Variants in RUNX1 observed in about 807,000 individuals in gnomAD.
RUNX1 encodes the protein RUNX family transcription factor 1.
A neutral mutation model predicts 42.8 loss-of-function variants in RUNX1; 19 were observed. The ratio of observed to expected loss-of-function variants is 0.44; its 90% CI spans 0.31 to 0.65. RUNX1 has a LOEUF of 0.65. Among genes scored for constraint, RUNX1 ranks in the 30% least tolerant of loss-of-function variants. The pLI is 0.07. For synonymous variants in RUNX1, 271 were observed against 289.4 expected (o/e 0.94, Z 0.64); for missense variants, 528 against 672.0 (o/e 0.79, Z 2.37).
intron 2 of RUNX1, among the ~76,000 whole-genome samples, chr21:34,996,633 A>ACTCTTCT (rs76582001): frequency 8.7e-4 from 132 of 151,016 alleles, no homozygotes; most frequent in African/African-American, 3.0e-3. Context: ...GGAATGCTGA[A>ACTCTTCT]CTCTCTCTCT....
intron 2 of RUNX1, among the ~76,000 whole-genome samples, chr21:34,973,573 C>T (rs1453105860): frequency 6.6e-6 from 1 of 152,176 alleles, no homozygotes; most frequent in African/African-American, 2.4e-5. Flanking sequence ...TGATCCAATC[C>T]ATTCTTCATG....
At chr21:34,796,959 G>A (rs1451023029) in intron 8 of RUNX1, among the ~76,000 whole-genome samples, 1 of 152,240 alleles carries the variant, frequency 6.6e-6, no homozygotes, top group African/African-American at 2.4e-5. Context: ...GAGGGGCAGA[G>A]CACAAAGCTG....
chr21:34,811,297 T>G (rs2056755316), intron 7 of RUNX1, among the ~76,000 whole-genome samples: 2 of 152,206 alleles, frequency 1.3e-5, no homozygotes, highest in South Asian at 4.1e-4. Flanking sequence ...AAGGGCTGCT[T>G]CTGTGCTCTC....
intron 2 of RUNX1, among the ~76,000 whole-genome samples, chr21:34,972,798 T>C (rs1440145037): frequency 1.3e-5 from 2 of 152,196 alleles, no homozygotes; most frequent in Non-Finnish European, 2.9e-5. Context: ...AGGCATCTTC[T>C]TTTATAATAA....
intron 2 of RUNX1, among the ~76,000 whole-genome samples, chr21:34,925,770 A>G (rs979530965): frequency 8.5e-5 from 13 of 152,248 alleles, no homozygotes; most frequent in Non-Finnish European, 8.8e-5. Context: ...TAGAAAAATG[A>G]TGAAATATTT....
chr21:35,012,619 T>C (rs757810146), intron 2 of RUNX1, among the ~76,000 whole-genome samples: 11 of 152,194 alleles, frequency 7.2e-5, no homozygotes, highest in African/African-American at 1.4e-4. Flanking sequence ...TTGACATCTA[T>C]ATGGACATAT....
chr21:34,912,348 C>T (rs2058278909), intron 2 of RUNX1, among the ~76,000 whole-genome samples: 1 of 151,678 alleles, frequency 6.6e-6, no homozygotes, highest in Non-Finnish European at 1.5e-5. Context: ...ATCTCCATCA[C>T]CCGTCCTCTC....
chr21:34,889,089 G>C (rs2058042589), intron 3 of RUNX1, among the ~76,000 whole-genome samples: 1 of 151,358 alleles, frequency 6.6e-6, no homozygotes, highest in Admixed American at 6.6e-5. Context: ...CGCCGCACCC[G>C]GAGAGGCCCG....
At chr21:34,905,487 T>C (rs780878856) in intron 2 of RUNX1, among the ~76,000 whole-genome samples, 4 of 152,240 alleles carry the variant, frequency 2.6e-5, no homozygotes, top group Admixed American at 6.5e-5. Context: ...TTTCTGATCA[T>C]GGTAAACACA....
rs148793081 is a variant in RUNX1, at chr21:34,979,470, C to T, written c.58+69372G>A. ...TATCAGGTGCTCTACAAGAGAACTACATAGGCACATATGTGGTTTGGAGGG... is the reference window on the plus strand; with the variant it reads ...TATCAGGTGCTCTACAAGAGAACTATATAGGCACATATGTGGTTTGGAGGG... On this transcript the variant is annotated intron_variant, in intron 2 of 8. Coordinates refer to ENST00000675419, the MANE Select transcript of RUNX1 (RefSeq NM_001754.5). Among the ~76,000 whole-genome samples the T allele has an allele frequency of 6.6e-4, 101 of 152,258 alleles. 1 individual carries two copies. The highest frequency in any genetic ancestry group is 2.3e-3 in the African/African-American group (94 of 41,538).
chr21:34,962,603 C>T (rs2058689364), intron 2 of RUNX1, among the ~76,000 whole-genome samples: 1 of 152,214 alleles, frequency 6.6e-6, no homozygotes, highest in Non-Finnish European at 1.5e-5. Context: ...CCACGCCACC[C>T]TGGCATTTTG....
At chr21:34,862,126 G>GAT (rs202072478) in intron 5 of RUNX1, among the ~76,000 whole-genome samples, 1 of 152,210 alleles carries the variant, frequency 6.6e-6, no homozygotes, top group African/African-American at 2.4e-5. Flanking sequence ...GAGAGAGAGA[G>GAT]AGAGAGAGAC....
At chr21:34,889,435 C>T (rs1048563510) in intron 3 of RUNX1, among the ~76,000 whole-genome samples, 1 of 152,144 alleles carries the variant, frequency 6.6e-6, no homozygotes, top group Non-Finnish European at 1.5e-5. Flanking sequence ...CCGCGCGTCT[C>T]ACTTGCTGCG....
At chr21:34,963,416 GC>G (rs2058695399) in intron 2 of RUNX1, among the ~76,000 whole-genome samples, 1 of 152,190 alleles carries the variant, frequency 6.6e-6, no homozygotes, top group Admixed American at 6.5e-5. Context: ...GGATGAAAAA[GC>G]CCAGAACTGA....
chr21:34,789,332 T>TG lies in RUNX1; in HGVS notation c.*2802dup. ...GGAAGAGAGAAAAAAAGGGAGATAT[T>TG]GGGGGGAAGAGAGGGAGGGAAATGT... On this transcript the variant is annotated 3_prime_UTR_variant, in exon 9 of 9. Transcript: ENST00000675419. 4.3e-6 allele frequency: 1 copy of TG among 230,188 alleles called. No individual in the cohort carries two copies. Among genetic ancestry groups the TG allele is most frequent in the Non-Finnish European group, 8.5e-6 (1 of 117,078 alleles). 14.3% of individuals were successfully genotyped at this position (230,188 alleles called of 1,614,324 possible). A position where few individuals can be genotyped will look rare whatever the true frequency, so the allele number is the denominator to read the frequency against.
chr21:34,849,382 TAG>T (rs1333560267), intron 6 of RUNX1, among the ~76,000 whole-genome samples: 1 of 39,356 alleles, frequency 2.5e-5, no homozygotes, highest in East Asian at 1.1e-3. Context: ...ACTATATACA[TAG>T]TATATATAAT....
intron 2 of RUNX1, among the ~76,000 whole-genome samples, chr21:34,895,823 T>A (rs1006058416): frequency 1.3e-5 from 2 of 152,112 alleles, no homozygotes; most frequent in African/African-American, 4.8e-5. Context: ...GGAAAATTGA[T>A]CTGTCAAAGC....
At chr21:34,890,524 G>T (rs2146443464) in intron 3 of RUNX1, among the ~76,000 whole-genome samples, 1 of 152,018 alleles carries the variant, frequency 6.6e-6, no homozygotes, top group East Asian at 2.0e-4. Context: ...GCCGCTCTTG[G>T]CTATCTGTGC....
intron 2 of RUNX1, among the ~76,000 whole-genome samples, chr21:34,985,376 G>A (rs1348889603): frequency 2.6e-5 from 4 of 152,232 alleles, no homozygotes; most frequent in Non-Finnish European, 5.9e-5. Flanking sequence ...GGCTTGGAGA[G>A]CAGAGGTAGC....
Sources: gnomAD v4.1 joint callset for allele counts (sites outside exome capture counted in the v4.1 genomes callset) on GRCh38, gnomAD v4.1.1 for gene constraint, MANE v1.5 for transcripts, NCBI Gene and HGNC (gene_info 2026-07-23, HGNC 2026-07-21) for gene names.